The following LYPD1 variants were observed in gnomAD, a reference collection of about 807,000 sequenced individuals.
LYPD1 encodes ly6/PLAUR domain-containing protein 1.
A neutral mutation model predicts 14.2 loss-of-function variants in LYPD1; 14 were observed. The ratio of observed to expected loss-of-function variants is 0.99; its 90% CI spans 0.65 to 1.54. The LOEUF (loss-of-function observed/expected upper bound fraction) is 1.54, where lower values mean the gene tolerates loss of function less well. LYPD1 is among the 40% of genes most tolerant of loss of function. The pLI is 0.00. For synonymous variants in LYPD1, 85 were observed against 70.6 expected (o/e 1.20, Z -1.02); for missense variants, 165 against 175.7 (o/e 0.94, Z 0.34).
Position 132,645,338 on chromosome 2 carries a change from T to C in LYPD1, c.*707A>G. The C allele has an allele frequency of 1.2e-6, 2 of 1,614,170 alleles. No homozygotes were observed. The highest frequency in any genetic ancestry group is 1.7e-6 in the Non-Finnish European group (2 of 1,180,038). ...CAGGTGCTGTGCTGCCGCCTGTCGC[T>C]GCAGCACGCCAACCACGAGAAGCGC... On this transcript the variant is annotated 3_prime_UTR_variant, in exon 3 of 3. Transcript: ENST00000397463.
intron 2 of LYPD1, among the ~76,000 whole-genome samples, chr2:132,658,027 G>A (rs1356103657): frequency 6.6e-6 from 1 of 152,114 alleles, no homozygotes; most frequent in Non-Finnish European, 1.5e-5. Context: ...GAGAATTTCT[G>A]GGGGGACTTT....
At position 132,646,110 on chromosome 2, in the gene LYPD1, G is replaced by A. The variant is rs781059999; in HGVS notation, c.361C>T (p.Leu121Phe). 13 of 1,608,386 alleles carry A rather than the reference G, an allele frequency of 8.1e-6. 1 individual carries two copies. In the South Asian group the frequency reaches 1.4e-4, roughly 18 times the overall value. ...PKKRGSSASALRPGLRTTILF... is the reference protein window; with the variant it reads ...PKKRGSSASAFRPGLRTTILF... ...ATGGTGGTGCGGAGCCCTGGCCTGA[G>A]GGCCGAGGCAGAACTTCCCCTTTTC... Residue 121 changes from leucine to phenylalanine, a missense_variant, in exon 3 of 3, where the codon CTC becomes TTC. By Grantham distance (22) the Leu-to-Phe change is conservative (BLOSUM62 0). Coordinates refer to ENST00000397463, the MANE Select transcript of LYPD1 (RefSeq NM_144586.7).
chr2:132,646,403 G>C (rs1682080815), intron 2 of LYPD1, 123 bp from the exon 3 acceptor site: 1 of 509,644 alleles, frequency 2.0e-6, no homozygotes, highest in Non-Finnish European at 3.3e-6. Flanking sequence ...GACTAGGTGA[G>C]GTCAGGGAAG....
chr2:132,645,662 C>A lies in LYPD1; in HGVS notation c.*383G>T, dbSNP rs955023346. The A allele has an allele frequency of 6.4e-7, 1 of 1,557,024 alleles. No individual in the cohort carries two copies. Among genetic ancestry groups the A allele is most frequent in the Admixed American group, 1.9e-5 (1 of 52,444 alleles). On this transcript the variant is annotated 3_prime_UTR_variant, in exon 3 of 3. Coordinates refer to ENST00000397463, the MANE Select transcript of LYPD1 (RefSeq NM_144586.7). ...TGGCCCTCCAGCCCTAAGAAAACGT[C>A]ACTCTCACTCTGCAGTCTCAAACTA...
intron 2 of LYPD1, chr2:132,667,065 AAC>A (rs1307939166): frequency 1.3e-5 from 2 of 152,254 alleles, no homozygotes; most frequent in African/African-American, 4.8e-5. Flanking sequence ...GTAGGAAAGA[AAC>A]ACAAGTAGAA....
rs1323773772 is a variant in LYPD1 at position 132,646,375 on chromosome 2, C to G, written c.191-95G>C. 7.8e-6 allele frequency: 6 copies of G among 766,750 alleles called. No homozygotes were observed. In the East Asian group the frequency reaches 2.0e-4, roughly 25 times the overall value. The allele number at this position is 766,750 out of a possible 1,614,324, so 47.5% of individuals were successfully genotyped here. On this transcript the variant is annotated intron_variant, in intron 2 of 2. Transcript: ENST00000397463. The stretch of plus-strand genomic sequence containing the variant: ...AATCCAAACGGACAGCTCTTCCTTA[C>G]TCCTCCCACAGCCCAGAGACTAGGT...
chr2:132,651,590 A>C (rs912348891), intron 2 of LYPD1, among the ~76,000 whole-genome samples: 1 of 152,226 alleles, frequency 6.6e-6, no homozygotes, highest in African/African-American at 2.4e-5. Context: ...CCTTCAAAAC[A>C]AAACACACTT....
In LYPD1 at chr2:132,645,809, T is replaced by C; in HGVS notation, c.*236A>G. The C allele has an allele frequency of 2.7e-6, 2 of 734,462 alleles. No individual in the cohort carries two copies. Among genetic ancestry groups the C allele is most frequent in the Admixed American group, 6.2e-5 (2 of 32,200 alleles). The allele number at this position is 734,462 out of a possible 1,614,324, so 45.5% of individuals were successfully genotyped here. A position where few individuals can be genotyped will look rare whatever the true frequency, so the allele number is the denominator to read the frequency against. ...GACTCCGGTTACACAGACATGGGGG[T>C]GAACTTTCACTCCACCTCCTTCCTT... On this transcript the variant is annotated 3_prime_UTR_variant, in exon 3 of 3. Transcript: ENST00000397463.
In LYPD1 at chr2:132,645,821, C is replaced by T. The variant is rs905298736; in HGVS notation, c.*224G>A. 2.9e-6 allele frequency: 2 copies of T among 686,838 alleles called. No individual in the cohort carries two copies. The highest frequency in any genetic ancestry group is 4.8e-6 in the Non-Finnish European group (2 of 420,662). 42.5% of individuals were successfully genotyped at this position (686,838 alleles called of 1,614,324 possible). On this transcript the variant is annotated 3_prime_UTR_variant, in exon 3 of 3. Coordinates refer to ENST00000397463, the MANE Select transcript of LYPD1 (RefSeq NM_144586.7). ...ACAGACATGGGGGTGAACTTTCACT[C>T]CACCTCCTTCCTTCAAGTACATACT...
Position 132,664,296 on chromosome 2 carries a change from T to C in LYPD1, c.190+4104A>G, listed in dbSNP as rs533287081. ...CTGTGGTTAACTTTCCACTTCTTTC[T>C]ACTAAGAGTGGATGACCAAGCATTT... On this transcript the variant is annotated intron_variant, in intron 2 of 2. Transcript: ENST00000397463. Among the ~76,000 whole-genome samples, 24 of 152,358 alleles carry C rather than the reference T, an allele frequency of 1.6e-4. No homozygotes were observed. The South Asian group carries it at 5.0e-3, about 32-fold the overall frequency.
Position 132,645,910 on chromosome 2 carries a change from G to T in LYPD1, c.*135C>A. On this transcript the variant is annotated 3_prime_UTR_variant, in exon 3 of 3. Coordinates refer to ENST00000397463, the MANE Select transcript of LYPD1 (RefSeq NM_144586.7). Reference sequence around the variant, plus strand: ...CCGAGCTCTTTCATTATTTGCACAGGAACAAAAGAGAACACGGACTCCCGC... The same window carrying T: ...CCGAGCTCTTTCATTATTTGCACAGTAACAAAAGAGAACACGGACTCCCGC... 2.9e-6 allele frequency: 2 copies of T among 690,772 alleles called. No homozygotes were observed. Among genetic ancestry groups the T allele is most frequent in the Non-Finnish European group, 4.7e-6 (2 of 421,860 alleles). 42.8% of individuals were successfully genotyped at this position (690,772 alleles called of 1,614,324 possible). A position where few individuals can be genotyped will look rare whatever the true frequency, so the allele number is the denominator to read the frequency against.
At chr2:132,659,613 C>T (rs1339712674) in intron 2 of LYPD1, among the ~76,000 whole-genome samples, 1 of 152,194 alleles carries the variant, frequency 6.6e-6, no homozygotes. Context: ...TCCCTCTTTC[C>T]CTTGCAGCAG....
rs1348803355 is a variant in LYPD1, at chr2:132,643,356, A to AG, written c.*2688dup. On this transcript the variant is annotated 3_prime_UTR_variant, in exon 3 of 3. Coordinates refer to ENST00000397463, the MANE Select transcript of LYPD1 (RefSeq NM_144586.7). ...AGGAGAAACCTGTGGAAATTAACAA[A>AG]GGAGAAGAGTTTCCAAGGCCTTCCT... Among the ~76,000 whole-genome samples the AG allele has an allele frequency of 6.6e-6, 1 of 152,226 alleles. No individual in the cohort carries two copies. Among genetic ancestry groups the AG allele is most frequent in the African/African-American group, 2.4e-5 (1 of 41,456 alleles).
chr2:132,671,516 G>C (rs1415318393), upstream of LYPD1: 1 of 151,900 alleles, frequency 6.6e-6, no homozygotes, highest in East Asian at 1.9e-4. Flanking sequence ...TGCAGAGATC[G>C]TTCCATATCT....
chr2:132,660,571 T>C (rs1213619852), intron 2 of LYPD1: 1 of 152,232 alleles, frequency 6.6e-6, no homozygotes, highest in African/African-American at 2.4e-5. Flanking sequence ...TGCTGGCTGA[T>C]TCATTCCAGG....
intron 2 of LYPD1, among the ~76,000 whole-genome samples, chr2:132,664,901 A>G (rs1024989845): frequency 6.6e-6 from 1 of 152,270 alleles, no homozygotes; most frequent in Admixed American, 6.5e-5. Flanking sequence ...AAGCAAGAGC[A>G]AAAGAAGTGT....
intron 2 of LYPD1, among the ~76,000 whole-genome samples, chr2:132,664,425 T>G (rs1683153439): frequency 1.3e-5 from 2 of 152,294 alleles, no homozygotes; most frequent in African/African-American, 4.8e-5. Context: ...CCCAACTTAA[T>G]GAGCAACTAA....
chr2:132,653,146 A>C (rs550671987), intron 2 of LYPD1, among the ~76,000 whole-genome samples: 1 of 152,342 alleles, frequency 6.6e-6, no homozygotes, highest in Non-Finnish European at 1.5e-5. Flanking sequence ...TCCATATTTC[A>C]TTCTAATTCT....
At chr2:132,649,243 A>G (rs906336301) in intron 2 of LYPD1, among the ~76,000 whole-genome samples, 1 of 152,130 alleles carries the variant, frequency 6.6e-6, no homozygotes, top group Admixed American at 6.6e-5. Context: ...TCAGAAAACA[A>G]AGGCATTTTA....
Sources: allele counts gnomAD v4.1 joint callset (sites outside exome capture counted in the v4.1 genomes callset), GRCh38; gene constraint gnomAD v4.1.1; transcripts MANE v1.5; gene names NCBI Gene and HGNC (gene_info 2026-07-23, HGNC 2026-07-21).